Variants in PCDHA5 observed in about 807,000 individuals in gnomAD.
PCDHA5 encodes the protein protocadherin alpha 5.
A neutral mutation model predicts 61.6 loss-of-function variants in PCDHA5; 43 were observed. The observed-to-expected ratio is 0.70, with a 90% CI of 0.55 to 0.90. PCDHA5 has a LOEUF of 0.90. Among genes scored for constraint, PCDHA5 ranks in the 40% least tolerant of loss-of-function variants. The probability of loss-of-function intolerance (pLI) is 0.00; values close to 1 mark genes in which losing one functional copy is unlikely to be tolerated. For synonymous variants in PCDHA5, 627 were observed against 543.9 expected, an observed-to-expected ratio of 1.15 and a Z score of -2.13; for missense variants, 1,298 against 1,222.7, an observed-to-expected ratio of 1.06 and a Z score of -0.92.
chr5:140,943,657 C>T (rs531235288), intron 1 of PCDHA5, among the ~76,000 whole-genome samples: 51 of 151,756 alleles, frequency 3.4e-4, no homozygotes, highest in African/African-American at 1.2e-3. Flanking sequence ...CATCTATGAA[C>T]AATGTATAAA....
At chr5:140,882,854 C>T in intron 1 of PCDHA5, 1 of 1,614,196 alleles carries the variant, frequency 6.2e-7, no homozygotes, top group African/African-American at 1.3e-5. Context: ...ATCACTTGTA[C>T]TGAGGAAAAC....
chr5:140,838,638 C>T (rs1775813369), intron 1 of PCDHA5, among the ~76,000 whole-genome samples: 1 of 151,758 alleles, frequency 6.6e-6, no homozygotes, highest in Non-Finnish European at 1.5e-5. Flanking sequence ...TTTGGTTGGT[C>T]AAAAAAATGA....
At chr5:140,917,117 C>A (rs1318149439) in intron 1 of PCDHA5, among the ~76,000 whole-genome samples, 1 of 152,018 alleles carries the variant, frequency 6.6e-6, no homozygotes, top group Non-Finnish European at 1.5e-5. Flanking sequence ...CCTCCAAGTG[C>A]GCAGACTCCC....
In PCDHA5 at chr5:140,997,121, A is replaced by G. The variant is rs138556400; in HGVS notation, c.2501-12506A>G. On this transcript the variant is annotated intron_variant, in intron 3 of 3. Transcript: ENST00000529859. ...CTCATGCACTCCTGCTCTCCCACAT[A>G]CACAATGCCCCCACACCCCCGCCAC... 2.1e-4 allele frequency among the ~76,000 whole-genome samples: 32 copies of G among 152,152 alleles called. No individual in the cohort carries two copies. The East Asian group carries it at 5.8e-3, about 28-fold the overall frequency.
intron 1 of PCDHA5, among the ~76,000 whole-genome samples, chr5:140,855,588 A>G (rs924591016): frequency 6.7e-6 from 1 of 149,870 alleles, no homozygotes; most frequent in Non-Finnish European, 1.5e-5. Flanking sequence ...AAATATTAGT[A>G]TACTCAGTAG....
At chr5:140,870,778 G>GACA (rs2052395482) in intron 1 of PCDHA5, 1 of 1,613,502 alleles carries the variant, frequency 6.2e-7, no homozygotes, top group Non-Finnish European at 8.5e-7. Flanking sequence ...GGACGAGAAC[G>GACA]ACAACGCGCC....
intron 1 of PCDHA5, among the ~76,000 whole-genome samples, chr5:140,874,556 C>T (rs1194980368): frequency 3.3e-5 from 5 of 152,178 alleles, no homozygotes; most frequent in African/African-American, 4.8e-5. Flanking sequence ...AGAGATCTTT[C>T]GCATTTTAGT....
intron 1 of PCDHA5, chr5:140,927,063 C>T: frequency 6.2e-7 from 1 of 1,611,332 alleles, no homozygotes; most frequent in Non-Finnish European, 8.5e-7. Flanking sequence ...ACTTTCGCTT[C>T]CTTTCCAGCC....
intron 1 of PCDHA5, chr5:140,853,100 C>G: frequency 2.7e-6 from 1 of 369,590 alleles, no homozygotes; most frequent in Non-Finnish European, 3.8e-6. Flanking sequence ...AGGATGGTCT[C>G]GATCTCCTGA....
At position 140,822,393 on chromosome 5, in the gene PCDHA5, A is replaced by G; in HGVS notation, c.618A>G (p.Glu206=). ...CCTTAGATAGAGAAGAAACACAAGA[A>G]CACCGTTTATTAGTGATTGCAACTG... ...RKSLDREETQ[E]HRLLVIATDG... Residue 206 remains glutamate, a synonymous_variant, in exon 1 of 4, where the codon GAA becomes GAG. Coordinates refer to ENST00000529859, the MANE Select transcript of PCDHA5 (RefSeq NM_018908.3). The G allele has an allele frequency of 6.2e-7, 1 of 1,614,138 alleles. No individual in the cohort carries two copies. Among genetic ancestry groups the G allele is most frequent in the Non-Finnish European group, 8.5e-7 (1 of 1,180,046 alleles).
intron 1 of PCDHA5, chr5:140,884,394 G>A (rs2060142596): frequency 3.7e-6 from 6 of 1,613,880 alleles, no homozygotes; most frequent in East Asian, 2.2e-5. Flanking sequence ...GCGGTGTCCA[G>A]CCTGTTGGTG....
Position 140,842,478 on chromosome 5 carries a change from C to A in PCDHA5, c.2352+18351C>A, listed in dbSNP as rs2150337029. 3.7e-4 allele frequency: 597 copies of A among 1,613,926 alleles called. 9 individuals carry two copies. The African/African-American group carries it at 6.5e-3, about 18-fold the overall frequency. On this transcript the variant is annotated intron_variant, in intron 1 of 3. Transcript: ENST00000529859. ...GATTCAGGTGCCAACGGGCAGGTGA[C>A]CTGCTCCCTGATGCCCCATGTCCCC...
At chr5:140,925,787 C>T (rs972978659) in intron 1 of PCDHA5, among the ~76,000 whole-genome samples, 2 of 152,040 alleles carry the variant, frequency 1.3e-5, no homozygotes, top group Admixed American at 6.6e-5. Context: ...TAATGAGTAT[C>T]TCAGTACTTT....
chr5:140,881,259 C>T (rs1285019236), intron 1 of PCDHA5: 6 of 524,478 alleles, frequency 1.1e-5, no homozygotes, highest in Non-Finnish European at 9.8e-6. Flanking sequence ...AGGTTTTACT[C>T]AGTGATGATG....
Position 140,835,309 on chromosome 5 carries a change from A to G in PCDHA5, c.2352+11182A>G, listed in dbSNP as rs2150233650. On this transcript the variant is annotated intron_variant, in intron 1 of 3. Coordinates refer to ENST00000529859, the MANE Select transcript of PCDHA5 (RefSeq NM_018908.3). ...GCAATCACAGTGATAGGACATATGG[A>G]TTTTGAAGAAAGTAGAGCACACAAG... 9.3e-6 allele frequency: 15 copies of G among 1,612,924 alleles called. No homozygotes were observed. The African/African-American group carries it at 1.9e-4, about 20-fold the overall frequency.
At chr5:140,968,252 C>A (rs201156874) in intron 1 of PCDHA5, 7 of 1,613,948 alleles carry the variant, frequency 4.3e-6, no homozygotes, top group Non-Finnish European at 8.5e-7. Context: ...AGCCACAGAC[C>A]CAGATGAAAA....
intron 1 of PCDHA5, among the ~76,000 whole-genome samples, chr5:140,878,538 C>T (rs1001402199): frequency 3.9e-5 from 6 of 152,088 alleles, no homozygotes; most frequent in Non-Finnish European, 7.4e-5. Context: ...TGGCTCAAAC[C>T]AGTTTCAGAT....
intron 1 of PCDHA5, chr5:140,856,310 C>T (rs782387382): frequency 5.0e-6 from 8 of 1,598,548 alleles, no homozygotes; most frequent in Non-Finnish European, 6.8e-6. Context: ...TGTGAATTCT[C>T]GGATTGACCG....
chr5:140,902,565 T>G (rs571957153), intron 1 of PCDHA5, among the ~76,000 whole-genome samples: 1 of 152,110 alleles, frequency 6.6e-6, no homozygotes. Context: ...TTTTTGAGGG[T>G]TTTTAAGATT....
Sources: gnomAD v4.1 joint callset for allele counts (sites outside exome capture counted in the v4.1 genomes callset) on GRCh38, gnomAD v4.1.1 for gene constraint, MANE v1.5 for transcripts, NCBI Gene and HGNC (gene_info 2026-07-23, HGNC 2026-07-21) for gene names.